The following PDE11A variants were observed in gnomAD, a reference collection of about 807,000 sequenced individuals.
PDE11A encodes phosphodiesterase 11A, also known as dual 3',5'-cyclic-AMP and -GMP phosphodiesterase 11A.
A neutral mutation model predicts 100.5 loss-of-function variants in PDE11A; 100 were observed. The observed-to-expected ratio is 1.00, with a 90% CI of 0.85 to 1.18. The LOEUF is 1.18. PDE11A is among the 50% of genes most tolerant of loss of function. PDE11A has a pLI of 0.00. For missense variants in PDE11A, 1,141 were observed against 1,152.6 expected, an observed-to-expected ratio of 0.99 and a Z score of 0.15; for synonymous variants, 381 against 420.8, an observed-to-expected ratio of 0.91 and a Z score of 1.16.
intron 18 of PDE11A, among the ~76,000 whole-genome samples, chr2:177,665,503 T>TAAAATA (rs143349310): frequency 0.029 from 4,188 of 143,748 alleles, 175 homozygotes; most frequent in African/African-American, 0.095. Flanking sequence ...TAATAATAAA[T>TAAAATA]AAATAAAATA....
chr2:177,676,076 A>C (rs3770018), intron 16 of PDE11A: 42,053 of 192,254 alleles, frequency 0.22, 8,428 homozygotes, highest in African/African-American at 0.58. Context: ...TGGCTCCAAC[A>C]ATGGTTTATA....
intron 1 of PDE11A, among the ~76,000 whole-genome samples, chr2:178,071,030 G>C (rs561858925): frequency 6.6e-6 from 1 of 152,216 alleles, no homozygotes; most frequent in East Asian, 1.9e-4. Context: ...TCTAGAGAAG[G>C]GAACAGGGAA....
rs376126889 is a variant in PDE11A, at chr2:178,029,159, CCAA to C, written c.913-14702_913-14700del. 1.9e-4 allele frequency among the ~76,000 whole-genome samples: 29 copies of C among 152,248 alleles called. 1 individual carries two copies. The highest frequency in any genetic ancestry group is 6.0e-4 in the African/African-American group (25 of 41,542). On this transcript the variant is annotated intron_variant, in intron 1 of 19. Coordinates refer to ENST00000286063, the MANE Select transcript of PDE11A (RefSeq NM_016953.4). ...TCTGATACATCTAGCTACACTGCAC[CCAA>C]CAACAAGAGATTTCATATAATTAGT... is the stretch of plus-strand genomic sequence containing the variant.
chr2:177,750,976 C>G (rs959772200), intron 10 of PDE11A, among the ~76,000 whole-genome samples: 2 of 152,056 alleles, frequency 1.3e-5, no homozygotes, highest in African/African-American at 4.8e-5. Flanking sequence ...TTAAATTGGT[C>G]TGGGGTGACA....
chr2:177,930,803 T>G, intron 2 of PDE11A, among the ~76,000 whole-genome samples: 1 of 152,172 alleles, frequency 6.6e-6, no homozygotes, highest in East Asian at 1.9e-4. Context: ...TCATCCTGAT[T>G]AACACACCCT....
intron 1 of PDE11A, among the ~76,000 whole-genome samples, chr2:178,047,808 ATTTTCCT>A (rs2086770876): frequency 6.6e-6 from 1 of 152,082 alleles, no homozygotes; most frequent in South Asian, 2.1e-4. Context: ...CTCAGAAGTC[ATTTTCCT>A]AACCCCCCCA....
At chr2:177,808,115 C>G (rs929417960) in intron 9 of PDE11A, among the ~76,000 whole-genome samples, 1 of 151,928 alleles carries the variant, frequency 6.6e-6, no homozygotes, top group East Asian at 1.9e-4. Flanking sequence ...AGGGATGAAG[C>G]GAGATATTGA....
chr2:177,760,888 C>A (rs1456195141), intron 10 of PDE11A, among the ~76,000 whole-genome samples: 1 of 152,054 alleles, frequency 6.6e-6, no homozygotes, highest in Non-Finnish European at 1.5e-5. Flanking sequence ...TTGGATGAAT[C>A]CATTTCCAAA....
intron 19 of PDE11A, among the ~76,000 whole-genome samples, chr2:177,660,129 TTCATTCCTTCTC>T (rs2080463425): frequency 1.3e-5 from 1 of 77,700 alleles, no homozygotes; most frequent in Non-Finnish European, 2.8e-5. Context: ...CTTTCTTTCT[TTCATTCCTTCTC>T]TCTCTTTCTT....
intron 4 of PDE11A, among the ~76,000 whole-genome samples, chr2:177,882,715 A>G: frequency 6.6e-6 from 1 of 152,204 alleles, no homozygotes. Flanking sequence ...CAAGTGAAGT[A>G]AACAAAACAT....
At chr2:177,786,905 C>T (rs941792680) in intron 9 of PDE11A, among the ~76,000 whole-genome samples, 13 of 150,530 alleles carry the variant, frequency 8.6e-5, no homozygotes, top group African/African-American at 1.7e-4. Flanking sequence ...ACCAAATCTA[C>T]GTCTGATCGG....
At chr2:178,000,193 G>T (rs1196910225) in intron 2 of PDE11A, among the ~76,000 whole-genome samples, 1 of 147,852 alleles carries the variant, frequency 6.8e-6, no homozygotes, top group Non-Finnish European at 1.5e-5. Flanking sequence ...ACCAGAAAAT[G>T]GTTTCATTTC....
chr2:177,712,017 A>G, intron 12 of PDE11A, 139 bp from the exon 13 acceptor site: 1 of 640,294 alleles, frequency 1.6e-6, no homozygotes, highest in Non-Finnish European at 2.9e-6. Flanking sequence ...CTCAGACAAC[A>G]GTAAGTTGGG....
Position 177,823,114 on chromosome 2 carries a change from G to A in PDE11A, c.1501-2819C>T, listed in dbSNP as rs79513773. ...GAGTGAATTAGATTGATTGATATTT[G>A]AGAATTCCAGATGCAAAAACAAAAA... On this transcript the variant is annotated intron_variant, in intron 6 of 19. Transcript: ENST00000286063. Among the ~76,000 whole-genome samples, 1,217 of 152,038 alleles carry A rather than the reference G, an allele frequency of 8.0e-3. 3 individuals are homozygous for A. Among genetic ancestry groups the A allele is most frequent in the Non-Finnish European group, 0.012 (801 of 67,962 alleles).
At chr2:177,764,261 A>T (rs768000820) in intron 10 of PDE11A, among the ~76,000 whole-genome samples, 17 of 152,156 alleles carry the variant, frequency 1.1e-4, no homozygotes, top group Non-Finnish European at 2.1e-4. Context: ...GAAAACTTGA[A>T]ATATGTATGA....
chr2:177,747,254 C>T (rs998061), intron 10 of PDE11A, among the ~76,000 whole-genome samples: 107,279 of 152,152 alleles, frequency 0.71, 39,520 homozygotes, highest in East Asian at 0.86. Flanking sequence ...TTCATTGCTC[C>T]TGAAATACAG....
intron 10 of PDE11A, among the ~76,000 whole-genome samples, chr2:177,752,685 A>C (rs2082039846): frequency 6.6e-6 from 1 of 152,234 alleles, no homozygotes; most frequent in Non-Finnish European, 1.5e-5. Flanking sequence ...TAGTCATTCA[A>C]CAAATGTTTT....
intron 15 of PDE11A, among the ~76,000 whole-genome samples, chr2:177,695,709 G>C (rs1328149673): frequency 1.3e-5 from 2 of 152,128 alleles, no homozygotes; most frequent in Non-Finnish European, 1.5e-5. Flanking sequence ...TAGAATAAGG[G>C]GAGTGACCTG....
intron 5 of PDE11A, among the ~76,000 whole-genome samples, chr2:177,855,945 CACACA>C (rs2083825542): frequency 7.2e-6 from 1 of 137,946 alleles, no homozygotes. Context: ...CACACACACA[CACACA>C]CTACTGTAAG....
Sources: allele counts gnomAD v4.1 joint callset (sites outside exome capture counted in the v4.1 genomes callset), GRCh38; gene constraint gnomAD v4.1.1; transcripts MANE v1.5; gene names NCBI Gene and HGNC (gene_info 2026-07-23, HGNC 2026-07-21).